Variants in PHKG1 observed in about 807,000 individuals in gnomAD.
The protein encoded by PHKG1 is phosphorylase b kinase gamma catalytic chain, skeletal muscle/heart isoform.
A neutral mutation model predicts 50.5 loss-of-function variants in PHKG1; 48 were observed. The ratio of observed to expected loss-of-function variants is 0.95; its 90% CI spans 0.75 to 1.21. The LOEUF (loss-of-function observed/expected upper bound fraction) is 1.21. Among genes scored for constraint, PHKG1 ranks in the 50% most tolerant of loss-of-function variants. The pLI is 0.00. For synonymous variants in PHKG1, 204 were observed against 212.8 expected, an observed-to-expected ratio of 0.96 and a Z score of 0.36; for missense variants, 487 against 519.5, an observed-to-expected ratio of 0.94 and a Z score of 0.61.
intron 1 of PHKG1, 37 bp from the exon 2 acceptor site, chr7:56,089,012 G>C: frequency 9.8e-7 from 1 of 1,018,274 alleles, no homozygotes. Flanking sequence ...CAGCCTTCCT[G>C]ACCCAGGGGC....
In PHKG1 at chr7:56,083,688, G is replaced by T; in HGVS notation, c.345C>A (p.Tyr115Ter). The T allele has an allele frequency of 6.3e-7, 1 of 1,584,930 alleles. No homozygotes were observed. The highest frequency in any genetic ancestry group is 8.6e-7 in the Non-Finnish European group (1 of 1,162,682). ...CACTCAAGGTGACCTTCTCAGTGAG[G>T]TAGTCAAAGAGCTCCCCTCTCTTCA... is the stretch of plus-strand genomic sequence containing the variant. ...DLMKRGELFD[Y>*]LTEKVTLSEK... The change falls in exon 5 of 10, where the codon TAC becomes TAA. Residue 115 changes from tyrosine (Y) to a stop codon, truncating the protein, a stop_gained. Coordinates refer to ENST00000297373, the MANE Select transcript of PHKG1 (RefSeq NM_006213.5). LOFTEE classifies it high-confidence loss of function.
At chr7:56,083,620 G>A in intron 5 of PHKG1, 30 bp downstream of exon 5, 1 of 1,558,986 alleles carries the variant, frequency 6.4e-7, no homozygotes, top group African/African-American at 1.4e-5. Flanking sequence ...ACGTGGGAGG[G>A]AGCGGAGAGA....
intron 1 of PHKG1, among the ~76,000 whole-genome samples, chr7:56,092,129 C>T (rs894883211): frequency 6.6e-6 from 1 of 152,238 alleles, no homozygotes; most frequent in East Asian, 1.9e-4. Context: ...GCTGCACTCA[C>T]CTTTCCTGGG....
At position 56,081,560 on chromosome 7, in the gene PHKG1, C is replaced by T; in HGVS notation, c.918+70G>A. ...TGGAAATTCACGGGGTGTAAGGACT[C>T]CTGGGAGAGGAGGGGGCTTAGAGGT... On this transcript the variant is annotated intron_variant, in intron 9 of 9. Coordinates refer to ENST00000297373, the MANE Select transcript of PHKG1 (RefSeq NM_006213.5). This position sits in a 1 kb window ranked among gnomAD's most constrained non-coding sequence, Gnocchi z 4.6. 1 of 1,567,748 alleles carries T rather than the reference C, an allele frequency of 6.4e-7. No homozygotes were observed. The highest frequency in any genetic ancestry group is 8.7e-7 in the Non-Finnish European group (1 of 1,146,946).
At chr7:56,088,307 A>T (rs1442025718) in intron 2 of PHKG1, among the ~76,000 whole-genome samples, 1 of 151,410 alleles carries the variant, frequency 6.6e-6, no homozygotes, top group Non-Finnish European at 1.5e-5. Flanking sequence ...GTATTGCAGG[A>T]AGTGCTGCTA....
intron 4 of PHKG1, chr7:56,084,246 T>C: frequency 3.3e-6 from 5 of 1,507,310 alleles, no homozygotes; most frequent in Non-Finnish European, 4.5e-6. Flanking sequence ...TCTTCCCATC[T>C]GTGGAAGTGA....
At position 56,081,167 on chromosome 7, in the gene PHKG1, C is replaced by T. The variant is rs200148808; in HGVS notation, c.1051G>A (p.Ala351Thr). The T allele has an allele frequency of 6.4e-5, 103 of 1,613,890 alleles. No individual in the cohort carries two copies. Among genetic ancestry groups the T allele is most frequent in the African/African-American group, 2.4e-4 (18 of 75,036 alleles). The change falls in exon 10 of 10, where the codon GCT becomes ACT. Residue 351 changes from alanine (A) to threonine (T), a missense_variant. Physicochemically the swap from Ala to Thr is moderately conservative, Grantham distance 58 (BLOSUM62 0). Transcript: ENST00000297373. The surrounding 1 kb of genome is among the most constrained non-coding windows in gnomAD (Gnocchi z 4.6). ...ACCCAGTGGCCATAGATTCGGAAAG[C>T]GTAGGCGTCGATGAGCCGGCGCAGA... ...RPLRRLIDAY[A>T]FRIYGHWVKK...
intron 5 of PHKG1, 82 bp from the exon 6 acceptor site, chr7:56,083,523 A>G (rs1037105866): frequency 1.9e-5 from 29 of 1,549,356 alleles, no homozygotes; most frequent in Non-Finnish European, 2.6e-5. Context: ...CATTTCAGCC[A>G]CACTGCAAGG....
Position 56,082,049 on chromosome 7 carries a change from G to A in PHKG1, c.639-3C>T, listed in dbSNP as rs750705770. ...ACATGATGACGCCAGTGCTCCACCT[G>A]GACATGCGAGGGCCCAGGGCCACTT... On this transcript the variant is annotated splice_region_variant and splice_polypyrimidine_tract_variant and intron_variant, in intron 7 of 9. Coordinates refer to ENST00000297373, the MANE Select transcript of PHKG1 (RefSeq NM_006213.5). 6.2e-7 allele frequency: 1 copy of A among 1,611,918 alleles called. No homozygotes were observed. The highest frequency in any genetic ancestry group is 1.7e-5 in the Admixed American group (1 of 59,950).
At chr7:56,087,286 A>G (rs1194191723) in intron 3 of PHKG1, among the ~76,000 whole-genome samples, 4 of 151,412 alleles carry the variant, frequency 2.6e-5, no homozygotes, top group Admixed American at 2.0e-4. Flanking sequence ...TAATAGTGCA[A>G]TCATAACTCA....
intron 4 of PHKG1, among the ~76,000 whole-genome samples, chr7:56,084,588 G>T (rs181433547): frequency 1.6e-3 from 237 of 152,112 alleles, no homozygotes; most frequent in African/African-American, 5.6e-3. Flanking sequence ...TGCCCAGGCT[G>T]GTCTTCAACT....
chr7:56,081,176 CGAT>C lies in PHKG1; in HGVS notation c.1039_1041del (p.Ile347del). ...CCATAGATTCGGAAAGCGTAGGCGT[CGAT>C]GAGCCGGCGCAGAGGCCGGAGGGCA... is the stretch of plus-strand genomic sequence containing the variant. On this transcript the variant is annotated inframe_deletion, in exon 10 of 10. Coordinates refer to ENST00000297373, the MANE Select transcript of PHKG1 (RefSeq NM_006213.5). The surrounding 1 kb of genome is among the most constrained non-coding windows in gnomAD (Gnocchi z 4.6). 1 of 1,613,898 alleles carries C rather than the reference CGAT, an allele frequency of 6.2e-7. No individual in the cohort carries two copies. The highest frequency in any genetic ancestry group is 1.7e-5 in the Admixed American group (1 of 60,006).
Position 56,081,104 on chromosome 7 carries a change from C to G in PHKG1, c.1114G>C (p.Glu372Gln). The change falls in exon 10 of 10, where the codon GAG becomes CAG. Residue 372 changes from glutamate (E) to glutamine (Q), a missense_variant. By Grantham distance (29) the Glu-to-Gln change is conservative. Transcript: ENST00000297373. The surrounding 1 kb of genome is among the most constrained non-coding windows in gnomAD (Gnocchi z 4.6). ...AGGAGCACGGCCTTGGGTGTGTTCT[C>G]GAAAAGGGCTGCCCGGTTCTGCTGC... ...GQQQNRAALF[E>Q]NTPKAVLLSL... 6.2e-7 allele frequency: 1 copy of G among 1,613,420 alleles called. No homozygotes were observed. Among genetic ancestry groups the G allele is most frequent in the Non-Finnish European group, 8.5e-7 (1 of 1,179,864 alleles).
rs541582462 is a variant in PHKG1 at position 56,082,239 on chromosome 7, G to T, written c.562C>A (p.Pro188Thr). The T allele has an allele frequency of 6.2e-7, 1 of 1,613,406 alleles. No individual in the cohort carries two copies. Among genetic ancestry groups the T allele is most frequent in the Admixed American group, 1.7e-5 (1 of 60,008 alleles). Residue 188 changes from proline to threonine, a missense_variant, in exon 7 of 10, where the codon CCC becomes ACC. By Grantham distance (38) the Pro-to-Thr change is conservative. Transcript: ENST00000297373. ...ATAATCTCAGGGGCCAGGTAACTGG[G>T]GGTCCCGCAGACCTCTGCAGGAACA... ...GERLREVCGTPSYLAPEIIEC... is the reference protein window; with the variant it reads ...GERLREVCGTTSYLAPEIIEC...
intron 4 of PHKG1, among the ~76,000 whole-genome samples, chr7:56,086,197 C>T (rs1328694796): frequency 1.3e-5 from 2 of 151,754 alleles, no homozygotes; most frequent in African/African-American, 4.8e-5. Flanking sequence ...TTATATATGT[C>T]TACAGTCATC....
At position 56,083,543 on chromosome 7, in the gene PHKG1, A is replaced by C. The variant is rs573658136; in HGVS notation, c.384-102T>G. The C allele has an allele frequency of 2.7e-5, 41 of 1,519,222 alleles. No homozygotes were observed. In the African/African-American group the frequency reaches 4.9e-4, roughly 18 times the overall value. The allele number at this position is 1,519,222 out of a possible 1,614,324, so 94.1% of individuals were successfully genotyped here. A position where few individuals can be genotyped will look rare whatever the true frequency, so the allele number is the denominator to read the frequency against. ...CAGCCACACTGCAAGGGAGCAGCAC[A>C]CACGCCCAGCCCAGACATGTGCACG... On this transcript the variant is annotated intron_variant, in intron 5 of 9. Coordinates refer to ENST00000297373, the MANE Select transcript of PHKG1 (RefSeq NM_006213.5).
Position 56,081,171 on chromosome 7 carries a change from G to A in PHKG1, c.1047C>T (p.Ala349=), listed in dbSNP as rs745813291. Residue 349 remains alanine, a synonymous_variant, in exon 10 of 10, where the codon GCC becomes GCT. Transcript: ENST00000297373. The surrounding 1 kb of genome is among the most constrained non-coding windows in gnomAD (Gnocchi z 4.6). Reference sequence around the variant, plus strand: ...AGTGGCCATAGATTCGGAAAGCGTAGGCGTCGATGAGCCGGCGCAGAGGCC... The same window carrying A: ...AGTGGCCATAGATTCGGAAAGCGTAAGCGTCGATGAGCCGGCGCAGAGGCC... ...ALRPLRRLID[A]YAFRIYGHWV... The A allele has an allele frequency of 3.7e-6, 6 of 1,613,816 alleles. No individual in the cohort carries two copies. The highest frequency in any genetic ancestry group is 1.7e-5 in the Admixed American group (1 of 60,004).
In PHKG1 at chr7:56,082,169, A is replaced by G; in HGVS notation, c.632T>C (p.Val211Ala). Reference sequence around the variant, plus strand: ...CCTTTCCCGGCGCACTCACATGTCCACCTCTTTCCCGTAGCCCGGGTGGTC... The same window carrying G: ...CCTTTCCCGGCGCACTCACATGTCCGCCTCTTTCCCGTAGCCCGGGTGGTC... ...NEDHPGYGKE[V>A]DMWSTGVIMY... The change falls in exon 7 of 10, where the codon GTG becomes GCG. Residue 211 changes from valine (V) to alanine (A), a missense_variant. Val to Ala is a moderately conservative substitution (Grantham distance 64, BLOSUM62 0). Coordinates refer to ENST00000297373, the MANE Select transcript of PHKG1 (RefSeq NM_006213.5). The G allele has an allele frequency of 6.2e-7, 1 of 1,613,522 alleles. No homozygotes were observed. The highest frequency in any genetic ancestry group is 1.3e-5 in the African/African-American group (1 of 74,926).
At position 56,081,723 on chromosome 7, in the gene PHKG1, G is replaced by T. The variant is rs1401246822; in HGVS notation, c.825C>A (p.Asn275Lys). Residue 275 changes from asparagine to lysine, a missense_variant, in exon 9 of 10, where the codon AAC (asparagine) becomes AAA (lysine). Physicochemically the swap from Asn to Lys is moderately conservative, Grantham distance 94. Transcript: ENST00000297373. This position sits in a 1 kb window ranked among gnomAD's most constrained non-coding sequence, Gnocchi z 4.6. ...CCAAGGCCTCTTCCGCTGTGTAGCG[G>T]TTCTGGGGTTGCACCACCAGGAATC... Reference protein sequence around the residue: ...VSRFLVVQPQNRYTAEEALAH... With the variant: ...VSRFLVVQPQKRYTAEEALAH... The T allele has an allele frequency of 1.9e-6, 3 of 1,613,852 alleles. No individual in the cohort carries two copies. Among genetic ancestry groups the T allele is most frequent in the Non-Finnish European group, 2.5e-6 (3 of 1,179,840 alleles).
Sources: allele counts gnomAD v4.1 joint callset (sites outside exome capture counted in the v4.1 genomes callset), GRCh38; gene constraint gnomAD v4.1.1; non-coding constraint Gnocchi (gnomAD v3.1); transcripts MANE v1.5; gene names NCBI Gene and HGNC (gene_info 2026-07-23, HGNC 2026-07-21).